LRBA: variants seen among roughly 807,000 people sequenced by gnomAD.
The protein encoded by LRBA is lipopolysaccharide-responsive and beige-like anchor protein.
In LRBA, 176 loss-of-function variants were observed where a neutral mutation model predicts 330.0. That is an observed-to-expected ratio of 0.53 (90% CI 0.47 to 0.60). The LOEUF is 0.60. Among genes scored for constraint, LRBA ranks in the 20% least tolerant of loss-of-function variants. The pLI is 0.00. For synonymous variants in LRBA, 1,230 were observed against 1,193.0 expected, an observed-to-expected ratio of 1.03 and a Z score of -0.64; for missense variants, 3,259 against 3,444.8, an observed-to-expected ratio of 0.95 and a Z score of 1.35.
chr4:150,690,575 A>T (rs926133963), intron 36 of LRBA, among the ~76,000 whole-genome samples: 1 of 151,634 alleles, frequency 6.6e-6, no homozygotes, highest in Non-Finnish European at 1.5e-5. Context: ...CACCCTTCCC[A>T]CCATATTATA....
intron 32 of LRBA, among the ~76,000 whole-genome samples, 173 bp from the exon 33 acceptor site, chr4:150,806,577 T>C (rs1310322519): frequency 6.6e-6 from 1 of 152,096 alleles, no homozygotes; most frequent in African/African-American, 2.4e-5. Flanking sequence ...AATATTCGTT[T>C]TTATCCTGAT....
chr4:150,264,504 AT>A lies in LRBA; in HGVS notation c.*1217del, dbSNP rs1745065625. 1 of 152,202 alleles carries A rather than the reference AT, an allele frequency of 6.6e-6. No homozygotes were observed. The highest frequency in any genetic ancestry group is 2.4e-5 in the African/African-American group (1 of 41,442). 9.4% of individuals were successfully genotyped at this position (152,202 alleles called of 1,614,324 possible). ...TTTAAAATTTAGGAGCAAAAAAGGCATTTCCAACAATTCAATTACAGATGCC... is the reference window on the plus strand; with the variant it reads ...TTTAAAATTTAGGAGCAAAAAAGGCATTCCAACAATTCAATTACAGATGCC... On this transcript the variant is annotated 3_prime_UTR_variant, in exon 57 of 57. Coordinates refer to ENST00000651943, the MANE Select transcript of LRBA (RefSeq NM_001364905.1).
chr4:150,561,756 C>T (rs1178501339), intron 40 of LRBA, among the ~76,000 whole-genome samples: 1 of 152,096 alleles, frequency 6.6e-6, no homozygotes, highest in Non-Finnish European at 1.5e-5. Context: ...TTTGTTATAG[C>T]AGCAACAGAA....
intron 41 of LRBA, among the ~76,000 whole-genome samples, chr4:150,489,050 TATATAAG>T: frequency 9.1e-6 from 1 of 110,080 alleles, no homozygotes; most frequent in East Asian, 2.4e-4. Flanking sequence ...TAATATATTA[TATATAAG>T]AATATATAAT....
chr4:150,445,343 AC>A (rs1752445644), intron 44 of LRBA, among the ~76,000 whole-genome samples: 1 of 68,306 alleles, frequency 1.5e-5, no homozygotes, highest in Admixed American at 1.5e-4. Context: ...ATTTCGGAAA[AC>A]CTCTCTCTCT....
chr4:150,370,014 C>G (rs1464411045), intron 47 of LRBA, among the ~76,000 whole-genome samples: 1 of 152,190 alleles, frequency 6.6e-6, no homozygotes, highest in Admixed American at 6.5e-5. Context: ...CTAGCCTCTT[C>G]TAGTTTAACT....
chr4:150,575,538 A>C (rs1412852263), intron 40 of LRBA, among the ~76,000 whole-genome samples: 1 of 151,972 alleles, frequency 6.6e-6, no homozygotes, highest in African/African-American at 2.4e-5. Context: ...AAAGTATAAC[A>C]AAAACCTACC....
chr4:150,293,577 A>G (rs915923421), intron 53 of LRBA, among the ~76,000 whole-genome samples: 1 of 152,236 alleles, frequency 6.6e-6, no homozygotes, highest in African/African-American at 2.4e-5. Flanking sequence ...CTTGTAAATA[A>G]TATTAGAAGT....
At chr4:150,821,948 C>G (rs1745502079) in intron 30 of LRBA, among the ~76,000 whole-genome samples, 2 of 152,124 alleles carry the variant, frequency 1.3e-5, no homozygotes, top group East Asian at 1.9e-4. Flanking sequence ...GTTGATAATA[C>G]TTAAGATATG....
chr4:150,909,102 T>A (rs546015712), intron 9 of LRBA, among the ~76,000 whole-genome samples: 2 of 152,212 alleles, frequency 1.3e-5, no homozygotes, highest in African/African-American at 2.4e-5. Context: ...TTTATCTTTT[T>A]TCGTATATTC....
chr4:150,683,130 G>T (rs1056173961), intron 37 of LRBA, among the ~76,000 whole-genome samples: 1 of 151,922 alleles, frequency 6.6e-6, no homozygotes, highest in African/African-American at 2.4e-5. Flanking sequence ...TGAAAATATG[G>T]TTACTTTCAA....
At chr4:150,453,457 T>A (rs1299192103) in intron 44 of LRBA, among the ~76,000 whole-genome samples, 10 of 152,180 alleles carry the variant, frequency 6.6e-5, no homozygotes, top group Non-Finnish European at 1.5e-5. Flanking sequence ...ATTGGACTTC[T>A]ACACACAAAA....
At position 151,007,518 on chromosome 4, in the gene LRBA, CA is replaced by C. The variant is rs566106502; in HGVS notation, c.216+6908del. On this transcript the variant is annotated intron_variant, in intron 2 of 56. Coordinates refer to ENST00000651943, the MANE Select transcript of LRBA (RefSeq NM_001364905.1). ...AGACTCTGTCTCAAAAAAAAAAAAA[CA>C]AAAAAAAAAATGGCACTCTTAACAA... 9.4e-4 allele frequency among the ~76,000 whole-genome samples: 108 copies of C among 114,730 alleles called. No homozygotes were observed. The East Asian group carries it at 0.013, about 14-fold the overall frequency. The allele number at this position is 114,730 out of a possible 152,430, so 75.3% of individuals were successfully genotyped here.
At chr4:150,950,311 A>C (rs1316033818) in intron 2 of LRBA, among the ~76,000 whole-genome samples, 1 of 152,162 alleles carries the variant, frequency 6.6e-6, no homozygotes, top group Non-Finnish European at 1.5e-5. Flanking sequence ...AGAGATAGCA[A>C]AATGTCATGA....
At chr4:150,315,699 C>T in intron 50 of LRBA, 76 bp from the exon 51 acceptor site, 1 of 865,386 alleles carries the variant, frequency 1.2e-6, no homozygotes, top group Non-Finnish European at 1.8e-6. Flanking sequence ...ATAAGTCAAA[C>T]CTTATGTAGA....
intron 47 of LRBA, among the ~76,000 whole-genome samples, chr4:150,359,341 G>A (rs1217369505): frequency 6.6e-6 from 1 of 152,172 alleles, no homozygotes; most frequent in African/African-American, 2.4e-5. Context: ...GGAGCAAAAG[G>A]TCAGCTCTAA....
intron 48 of LRBA, among the ~76,000 whole-genome samples, chr4:150,326,367 T>C (rs567530539): frequency 5.9e-5 from 9 of 152,274 alleles, no homozygotes; most frequent in African/African-American, 2.2e-4. Flanking sequence ...GCTATATTAA[T>C]TTTGCCATAG....
At chr4:150,555,814 T>C (rs949131823) in intron 40 of LRBA, among the ~76,000 whole-genome samples, 1 of 148,832 alleles carries the variant, frequency 6.7e-6, no homozygotes, top group Non-Finnish European at 1.5e-5. Context: ...AAATATTCTC[T>C]TTTTTTGAGA....
At chr4:150,314,705 T>G (rs1304674733) in intron 51 of LRBA, 14 of 152,146 alleles carry the variant, frequency 9.2e-5, no homozygotes. Context: ...CTAAAAGTTA[T>G]TAAATAACAT....
Sources: allele counts gnomAD v4.1 joint callset (sites outside exome capture counted in the v4.1 genomes callset), GRCh38; gene constraint gnomAD v4.1.1; transcripts MANE v1.5; gene names NCBI Gene and HGNC (gene_info 2026-07-23, HGNC 2026-07-21).